Variants in SOCS2 observed in about 807,000 individuals in gnomAD.
SOCS2 encodes suppressor of cytokine signaling 2, also known as CIS-2.
In SOCS2, 10 loss-of-function variants were observed where a neutral mutation model predicts 18.6. The ratio of observed to expected loss-of-function variants is 0.54; its 90% CI spans 0.33 to 0.91. The LOEUF is 0.91. Ranked by LOEUF, SOCS2 falls within the 40% of genes least tolerant of loss-of-function variation. SOCS2 has a pLI of 0.02. For missense variants in SOCS2, 231 were observed against 247.2 expected (o/e 0.93, Z 0.44); for synonymous variants, 104 against 104.0 (o/e 1.00, Z 0.00).
chr12:93,602,711 C>T, the SOCS2 span, among the ~76,000 whole-genome samples: 3 of 152,112 alleles, frequency 2.0e-5, no homozygotes, highest in Non-Finnish European at 2.9e-5. Flanking sequence ...CAGGGTGCTT[C>T]GTAACAAAAC....
At chr12:93,587,904 T>C (rs1473867165), downstream of SOCS2, among the ~76,000 whole-genome samples, 1 of 152,112 alleles carries the variant, frequency 6.6e-6, no homozygotes, top group African/African-American at 2.4e-5. Flanking sequence ...CAAAAGAGTT[T>C]GTATTTTATG....
chr12:93,608,973 T>C, the SOCS2 span, among the ~76,000 whole-genome samples: 1 of 152,208 alleles, frequency 6.6e-6, no homozygotes, highest in Non-Finnish European at 1.5e-5. Context: ...ATAAACACTG[T>C]AAGAGGCCAA....
the SOCS2 span, among the ~76,000 whole-genome samples, chr12:93,618,240 AC>A: frequency 6.6e-6 from 1 of 152,254 alleles, no homozygotes; most frequent in Admixed American, 6.5e-5. Context: ...AGCCTGCAGG[AC>A]TGTGAGCCAA....
chr12:93,574,566 T>C (rs1253113347), intron 1 of SOCS2, 156 bp from the exon 2 acceptor site: 1 of 485,682 alleles, frequency 2.1e-6, no homozygotes, highest in Non-Finnish European at 3.5e-6. Flanking sequence ...CTGAAAGTAT[T>C]TGTGGTGGCC....
upstream of SOCS2, chr12:93,571,110 C>G (rs1954236262): frequency 6.5e-6 from 1 of 154,228 alleles, no homozygotes; most frequent in African/African-American, 2.4e-5. Flanking sequence ...CATGAGCCCT[C>G]TCGCCCGCAG....
At chr12:93,590,243 AAAAG>A in the SOCS2 span, among the ~76,000 whole-genome samples, 2 of 152,216 alleles carry the variant, frequency 1.3e-5, no homozygotes, top group Admixed American at 1.3e-4. Context: ...TCAAAAAAAA[AAAAG>A]AATAAGCAAG....
chr12:93,573,535 A>G (rs1235459287), intron 1 of SOCS2: 1 of 240,056 alleles, frequency 4.2e-6, no homozygotes, highest in African/African-American at 2.2e-5. Context: ...GTAGGCTGCG[A>G]AGCCCCCGCC....
the SOCS2 span, among the ~76,000 whole-genome samples, chr12:93,619,108 G>A: frequency 4.7e-4 from 71 of 152,316 alleles, no homozygotes; most frequent in Non-Finnish European, 7.2e-4. Context: ...TATCCCCACC[G>A]GTAGAACTGA....
intron 1 of SOCS2, chr12:93,573,583 C>T: frequency 5.0e-6 from 1 of 198,902 alleles, no homozygotes; most frequent in Non-Finnish European, 1.0e-5. Context: ...CAGGGTACTG[C>T]CGCTTTCAAG....
chr12:93,612,362 C>CT, the SOCS2 span, among the ~76,000 whole-genome samples: 220 of 148,044 alleles, frequency 1.5e-3, no homozygotes, highest in African/African-American at 4.1e-3. Context: ...TGCCATTGTA[C>CT]TTTTTTTTTT....
chr12:93,591,989 G>C, the SOCS2 span, among the ~76,000 whole-genome samples: 1 of 152,058 alleles, frequency 6.6e-6, no homozygotes, highest in Non-Finnish European at 1.5e-5. Flanking sequence ...CCTCTTCTTA[G>C]GAGCTAGTTT....
At chr12:93,604,876 G>A in the SOCS2 span, among the ~76,000 whole-genome samples, 1 of 151,708 alleles carries the variant, frequency 6.6e-6, no homozygotes, top group Admixed American at 6.6e-5. Flanking sequence ...GCCCAGGCTG[G>A]TGTCAAACTC....
At chr12:93,617,085 C>T in the SOCS2 span, among the ~76,000 whole-genome samples, 2 of 152,154 alleles carry the variant, frequency 1.3e-5, no homozygotes, top group African/African-American at 4.8e-5. Context: ...GGGGATCAGG[C>T]AAACAATTAT....
At chr12:93,591,171 G>C in the SOCS2 span, among the ~76,000 whole-genome samples, 1 of 151,336 alleles carries the variant, frequency 6.6e-6, no homozygotes, top group Non-Finnish European at 1.5e-5. Context: ...CGGGAGACTT[G>C]ACATTTAATC....
the SOCS2 span, among the ~76,000 whole-genome samples, chr12:93,618,289 T>A: frequency 7.9e-5 from 12 of 152,172 alleles, no homozygotes; most frequent in African/African-American, 2.9e-4. Flanking sequence ...CAGTCTCAGG[T>A]ATTTTTCTTT....
the SOCS2 span, among the ~76,000 whole-genome samples, chr12:93,590,670 T>C: frequency 1.3e-5 from 2 of 151,086 alleles, no homozygotes; most frequent in East Asian, 3.9e-4. Context: ...GGCACGTGCC[T>C]GTAATCCCAG....
At chr12:93,585,584 T>A (rs1258083138), downstream of SOCS2, among the ~76,000 whole-genome samples, 2 of 152,342 alleles carry the variant, frequency 1.3e-5, no homozygotes, top group African/African-American at 4.8e-5. Context: ...TCCTGCTTCC[T>A]TCTTTTTTTC....
Position 93,575,246 on chromosome 12 carries a change from C to G in SOCS2, c.*67C>G. On this transcript the variant is annotated 3_prime_UTR_variant, in exon 2 of 2. Coordinates refer to ENST00000551556, the MANE Select transcript of SOCS2 (RefSeq NM_001270471.2). ...CGAATGCAGCTATGTAAAAGAGAAC[C>G]AAAACTTGAGTGCTCTGGATAACTA... 1 of 1,175,650 alleles carries G rather than the reference C, an allele frequency of 8.5e-7. No individual in the cohort carries two copies. Among genetic ancestry groups the G allele is most frequent in the Non-Finnish European group, 1.2e-6 (1 of 851,922 alleles). The allele number at this position is 1,175,650 out of a possible 1,614,324, so 72.8% of individuals were successfully genotyped here. A position where few individuals can be genotyped will look rare whatever the true frequency, so the allele number is the denominator to read the frequency against.
downstream of SOCS2, among the ~76,000 whole-genome samples, chr12:93,581,631 C>T (rs1954541679): frequency 6.6e-6 from 1 of 151,998 alleles, no homozygotes; most frequent in African/African-American, 2.4e-5. Flanking sequence ...CTCTTTTTTC[C>T]TTCTAGCTTC....
Sources: gnomAD v4.1 joint callset for allele counts (sites outside exome capture counted in the v4.1 genomes callset) on GRCh38, gnomAD v4.1.1 for gene constraint, MANE v1.5 for transcripts, NCBI Gene and HGNC (gene_info 2026-07-23, HGNC 2026-07-21) for gene names.